ARMC2: variants seen among roughly 807,000 people sequenced by gnomAD.
ARMC2 encodes the protein armadillo repeat-containing protein 2.
In ARMC2, 67 loss-of-function variants were observed where a neutral mutation model predicts 90.3. The observed-to-expected ratio is 0.74, with a 90% confidence interval of 0.61 to 0.91. The LOEUF is 0.91. Ranked by LOEUF, ARMC2 falls within the 40% of genes least tolerant of loss-of-function variation. ARMC2 has a pLI of 0.00. For synonymous variants in ARMC2, 393 were observed against 393.0 expected (o/e 1.00, Z 0.00); for missense variants, 920 against 1,030.9 (o/e 0.89, Z 1.47).
chr6:108,997,342 C>T, the ARMC2 span, among the ~76,000 whole-genome samples: 1 of 152,188 alleles, frequency 6.6e-6, no homozygotes, highest in Admixed American at 6.5e-5. Flanking sequence ...ATTCTAGCAA[C>T]TGAATACTCT....
chr6:108,860,036 C>G (rs565607899), intron 3 of ARMC2, among the ~76,000 whole-genome samples: 5 of 148,856 alleles, frequency 3.4e-5, no homozygotes, highest in Admixed American at 3.3e-4. Flanking sequence ...GTAGGACTTT[C>G]TGGACTGACA....
At chr6:108,869,523 G>T (rs971932727) in intron 4 of ARMC2, among the ~76,000 whole-genome samples, 1 of 152,096 alleles carries the variant, frequency 6.6e-6, no homozygotes, top group Non-Finnish European at 1.5e-5. Context: ...AGAAAAAAAA[G>T]AATATTAGGA....
In ARMC2 at chr6:108,876,188, C is replaced by A. The variant is rs370788025; in HGVS notation, c.509C>A (p.Ser170Tyr). ...AAAGAAACAGTTATGATGGGGGACTCTATGGTGAAAATAAATGGGATTTAT... is the reference window on the plus strand; with the variant it reads ...AAAGAAACAGTTATGATGGGGGACTATATGGTGAAAATAAATGGGATTTAT... ...ESKETVMMGD[S>Y]MVKINGIYLT... Residue 170 changes from serine (S) to tyrosine (Y), a missense_variant, in exon 5 of 18, where the codon TCT (serine) becomes TAT (tyrosine). Coordinates refer to ENST00000392644, the MANE Select transcript of ARMC2 (RefSeq NM_032131.6). 5.6e-6 allele frequency: 9 copies of A among 1,612,618 alleles called. No homozygotes were observed. The highest frequency in any genetic ancestry group is 6.8e-6 in the Non-Finnish European group (8 of 1,179,532).
intron 11 of ARMC2, among the ~76,000 whole-genome samples, chr6:108,931,246 C>T (rs1775542580): frequency 2.0e-5 from 3 of 151,874 alleles, no homozygotes; most frequent in Admixed American, 1.3e-4. Flanking sequence ...ACGCATAAGA[C>T]TTGATCTCAT....
the ARMC2 span, chr6:109,008,756 C>T: frequency 1.0e-6 from 1 of 984,692 alleles, no homozygotes; most frequent in African/African-American, 1.7e-5. Context: ...GTACCTCTTT[C>T]TAAAGGACAA....
intron 12 of ARMC2, among the ~76,000 whole-genome samples, chr6:108,938,336 A>AT (rs1776132327): frequency 6.6e-6 from 1 of 151,856 alleles, no homozygotes; most frequent in East Asian, 1.9e-4. Flanking sequence ...TCTGCTGAGA[A>AT]TTATTAAATT....
intron 1 of ARMC2, among the ~76,000 whole-genome samples, chr6:108,849,287 C>T (rs1224027233): frequency 6.6e-6 from 1 of 152,100 alleles, no homozygotes; most frequent in African/African-American, 2.4e-5. Flanking sequence ...TTATATTTAT[C>T]CTGGTTTCTT....
At chr6:109,010,886 C>T in the ARMC2 span, among the ~76,000 whole-genome samples, 1 of 152,192 alleles carries the variant, frequency 6.6e-6, no homozygotes, top group African/African-American at 2.4e-5. Context: ...CCCAGTACAT[C>T]ATGCAATTTG....
chr6:108,886,565 G>A (rs1036443404), intron 5 of ARMC2, among the ~76,000 whole-genome samples: 6 of 152,024 alleles, frequency 3.9e-5, no homozygotes, highest in Non-Finnish European at 5.9e-5. Flanking sequence ...AGCGATACTC[G>A]TCTCACAAAC....
chr6:109,046,440 C>T, the ARMC2 span, among the ~76,000 whole-genome samples: 1 of 149,874 alleles, frequency 6.7e-6, no homozygotes, highest in Non-Finnish European at 1.5e-5. Context: ...CTACAACCTA[C>T]ACCTCCCAGC....
chr6:108,911,137 A>G (rs1238394847), intron 9 of ARMC2, 136 bp downstream of exon 9: 1 of 605,364 alleles, frequency 1.7e-6, no homozygotes. Context: ...TGTGATGCTC[A>G]TTTTTACTTC....
At chr6:108,851,113 A>G (rs941233497) in intron 1 of ARMC2, among the ~76,000 whole-genome samples, 2 of 152,110 alleles carry the variant, frequency 1.3e-5, no homozygotes, top group South Asian at 2.1e-4. Flanking sequence ...ATTTCTCGCC[A>G]TTTAATTTAT....
chr6:108,921,433 C>A (rs140211283), intron 10 of ARMC2, among the ~76,000 whole-genome samples: 1 of 152,128 alleles, frequency 6.6e-6, no homozygotes, highest in Non-Finnish European at 1.5e-5. Flanking sequence ...AGCCAGGCAC[C>A]GAGTGTTATC....
At chr6:108,983,099 G>A in the ARMC2 span, among the ~76,000 whole-genome samples, 3 of 152,100 alleles carry the variant, frequency 2.0e-5, no homozygotes, top group Non-Finnish European at 4.4e-5. Context: ...TTACAGGCAT[G>A]AGCCACCACT....
At chr6:108,963,071 T>G (rs371619048) in intron 15 of ARMC2, among the ~76,000 whole-genome samples, 2 of 152,168 alleles carry the variant, frequency 1.3e-5, no homozygotes, top group South Asian at 2.1e-4. Context: ...TGTCCAAAGA[T>G]TATAATTGGA....
the ARMC2 span, among the ~76,000 whole-genome samples, chr6:109,005,032 A>T: frequency 5.9e-5 from 9 of 152,366 alleles, no homozygotes; most frequent in Admixed American, 5.9e-4. Context: ...GATCAAAATT[A>T]AAAAGTCCCA....
chr6:108,908,626 T>TAGTC (rs1773062699), intron 8 of ARMC2, among the ~76,000 whole-genome samples: 1 of 151,962 alleles, frequency 6.6e-6, no homozygotes, highest in Non-Finnish European at 1.5e-5. Flanking sequence ...CACATGCCTA[T>TAGTC]AGTCCCAGCT....
At chr6:109,032,014 G>T in the ARMC2 span, among the ~76,000 whole-genome samples, 10 of 152,014 alleles carry the variant, frequency 6.6e-5, no homozygotes, top group African/African-American at 2.4e-4. Flanking sequence ...ATAAAATTTC[G>T]TGTTAAGTAC....
chr6:109,008,451 T>C, the ARMC2 span, among the ~76,000 whole-genome samples: 2 of 123,458 alleles, frequency 1.6e-5, no homozygotes, highest in South Asian at 6.2e-4. Context: ...CTCAAAAAAA[T>C]ATTTGGTGCT....
Sources: gnomAD v4.1 joint callset for allele counts (sites outside exome capture counted in the v4.1 genomes callset) on GRCh38, gnomAD v4.1.1 for gene constraint, MANE v1.5 for transcripts, NCBI Gene and HGNC (gene_info 2026-07-23, HGNC 2026-07-21) for gene names.